PTGS2: variants seen among roughly 807,000 people sequenced by gnomAD.
PTGS2 encodes the protein prostaglandin-endoperoxide synthase 2.
PTGS2 carries 14 observed loss-of-function variants against 63.8 expected under a neutral mutation model. The ratio of observed to expected loss-of-function variants is 0.22; its 90% CI spans 0.14 to 0.34. The LOEUF is 0.34. Ranked by LOEUF, PTGS2 falls within the 10% of genes least tolerant of loss-of-function variation. The pLI is 1.00. For missense variants in PTGS2, 533 were observed against 738.5 expected (o/e 0.72, Z 3.23); for synonymous variants, 271 against 259.5 (o/e 1.04, Z -0.43).
intron 8 of PTGS2, 127 bp downstream of exon 8, chr1:186,675,771 A>T: frequency 2.9e-6 from 3 of 1,045,334 alleles, no homozygotes; most frequent in Non-Finnish European, 4.0e-6. Context: ...TCTTATATCA[A>T]TAAAATAATT....
rs1665704346 is a variant in PTGS2 at position 186,672,399 on chromosome 1, A to G, written c.*1954T>C. ...AACATTCAACCTTAAATATCTCAAT[A>G]TGCCAATCAGATTTCTAAAAATTTA... On this transcript the variant is annotated 3_prime_UTR_variant, in exon 10 of 10. Transcript: ENST00000367468. 1 of 152,288 alleles carries G rather than the reference A, an allele frequency of 6.6e-6. No homozygotes were observed. The highest frequency in any genetic ancestry group is 2.4e-5 in the African/African-American group (1 of 41,448). 9.4% of individuals were successfully genotyped at this position (152,288 alleles called of 1,614,324 possible).
chr1:186,675,268 T>C lies in PTGS2; in HGVS notation c.1386A>G (p.Glu462=), dbSNP rs1335443051. ...TCTTACCTGTAAGTTCTTCAAATGATTCATAGGGCTTCAGCATAAAGCGTT... is the reference window on the plus strand; with the variant it reads ...TCTTACCTGTAAGTTCTTCAAATGACTCATAGGGCTTCAGCATAAAGCGTT... The part of the protein sequence containing the change: ...YRKRFMLKPY[E]SFEELTGEKE... The change falls in exon 9 of 10, where the codon GAA becomes GAG. Residue 462 remains glutamate, a synonymous_variant. Transcript: ENST00000367468. The C allele has an allele frequency of 1.2e-6, 2 of 1,613,140 alleles. No homozygotes were observed. The highest frequency in any genetic ancestry group is 1.7e-6 in the Non-Finnish European group (2 of 1,179,856).
intron 8 of PTGS2, chr1:186,675,617 A>C (rs1665766502): frequency 4.8e-6 from 3 of 629,096 alleles, no homozygotes; most frequent in Non-Finnish European, 7.9e-6. Context: ...CAAAAATAAC[A>C]CTAGTATTCA....
intron 3 of PTGS2, among the ~76,000 whole-genome samples, 167 bp from the exon 4 acceptor site, chr1:186,678,571 G>A (rs1665822573): frequency 6.6e-6 from 1 of 152,144 alleles, no homozygotes; most frequent in East Asian, 1.9e-4. Context: ...ATGGCCACTT[G>A]AAATACATCT....
chr1:186,680,016 C>T (rs1462686530), intron 1 of PTGS2, among the ~76,000 whole-genome samples: 1 of 152,210 alleles, frequency 6.6e-6, no homozygotes, highest in Non-Finnish European at 1.5e-5. Flanking sequence ...GAGAGTGTCT[C>T]AGATCGGTTA....
At position 186,679,043 on chromosome 1, in the gene PTGS2, G is replaced by C. The variant is rs1276665160; in HGVS notation, c.313+15C>G. 1 of 1,605,166 alleles carries C rather than the reference G, an allele frequency of 6.2e-7. No homozygotes were observed. The highest frequency in any genetic ancestry group is 8.5e-7 in the Non-Finnish European group (1 of 1,177,264). On this transcript the variant is annotated intron_variant, in intron 3 of 9. Coordinates refer to ENST00000367468, the MANE Select transcript of PTGS2 (RefSeq NM_000963.4). The stretch of plus-strand genomic sequence containing the variant: ...TTGAGAAGGCTAAAAACCTTAGAAA[G>C]ACACTTGTACTTACATGTCAACACA...
Position 186,680,399 on chromosome 1 carries a change from G to A in PTGS2, c.-109C>T, listed in dbSNP as rs1469810025. 2.7e-6 allele frequency: 2 copies of A among 738,188 alleles called. No individual in the cohort carries two copies. Among genetic ancestry groups the A allele is most frequent in the East Asian group, 2.9e-5 (1 of 34,148 alleles). 45.7% of individuals were successfully genotyped at this position (738,188 alleles called of 1,614,324 possible). On this transcript the variant is annotated 5_prime_UTR_variant, in exon 1 of 10. Coordinates refer to ENST00000367468, the MANE Select transcript of PTGS2 (RefSeq NM_000963.4). ...AGGAGTTCCTGGACGTGCTCCTGAC[G>A]CTCACTGCAAGTCGTATGACAATTG...
At position 186,676,497 on chromosome 1, in the gene PTGS2, A is replaced by G. The variant is rs200101876; in HGVS notation, c.940T>C (p.Leu314=). Reference sequence around the variant, plus strand: ...AGTATTAGCCTGCTTGTCTGGAACAACTGCTCATCACCCCATTCAGGATGC... The same window carrying G: ...AGTATTAGCCTGCTTGTCTGGAACAGCTGCTCATCACCCCATTCAGGATGC... ...QEHPEWGDEQ[L]FQTSRLILIG... Residue 314 remains leucine, a synonymous_variant, in exon 7 of 10, where the codon TTG becomes CTG. Coordinates refer to ENST00000367468, the MANE Select transcript of PTGS2 (RefSeq NM_000963.4). The G allele has an allele frequency of 6.2e-7, 1 of 1,614,138 alleles. No individual in the cohort carries two copies. The highest frequency in any genetic ancestry group is 8.5e-7 in the Non-Finnish European group (1 of 1,180,032).
rs765827639 is a variant in PTGS2 at position 186,676,895 on chromosome 1, C to T, written c.661G>A (p.Gly221Ser). The part of the protein sequence containing the change: ...GHGVDLNHIY[G>S]ETLARQRKLR... Reference sequence around the variant, plus strand: ...TTACGCTGTCTAGCCAGAGTTTCACCGTAAATATGATTTAAGTCCACCTAG... The same window carrying T: ...TTACGCTGTCTAGCCAGAGTTTCACTGTAAATATGATTTAAGTCCACCTAG... Residue 221 changes from glycine (G) to serine (S), a missense_variant, in exon 6 of 10, where the codon GGT becomes AGT. This residue lies in a region of PTGS2 where 118 missense variants were observed against 138.7 expected (regional missense o/e 0.85). Transcript: ENST00000367468. 3 of 1,604,420 alleles carry T rather than the reference C, an allele frequency of 1.9e-6. No homozygotes were observed. Among genetic ancestry groups the T allele is most frequent in the Middle Eastern group, 2.1e-4 (1 of 4,806 alleles).
intron 5 of PTGS2, 68 bp from the exon 6 acceptor site, chr1:186,676,984 A>T: frequency 9.4e-7 from 1 of 1,063,846 alleles, no homozygotes; most frequent in Non-Finnish European, 1.4e-6. Context: ...TGTCTATCAT[A>T]TAATTCATCA....
At position 186,675,851 on chromosome 1, in the gene PTGS2, A is replaced by C. The variant is rs1231664430; in HGVS notation, c.1257+47T>G. 4 of 1,513,166 alleles carry C rather than the reference A, an allele frequency of 2.6e-6. No individual in the cohort carries two copies. In the East Asian group the frequency reaches 6.8e-5, roughly 26 times the overall value. 93.7% of individuals were successfully genotyped at this position (1,513,166 alleles called of 1,614,324 possible). A position where few individuals can be genotyped will look rare whatever the true frequency, so the allele number is the denominator to read the frequency against. ...AATAATTTCCGTGGCAGAAATTCTA[A>C]AGTTACTGACTAGTCTTTTGTTTTG... On this transcript the variant is annotated intron_variant, in intron 8 of 9. Coordinates refer to ENST00000367468, the MANE Select transcript of PTGS2 (RefSeq NM_000963.4).
Position 186,677,665 on chromosome 1 carries a change from T to C in PTGS2, c.623A>G (p.Asn208Ser). ...CTATCTTACCCCATGGCCCAGCCCG[T>C]TGGTGAAAGCTGGCCCTCGCTTATG... ...TDHKRGPAFT[N>S]GLGHGVDLNH... Residue 208 changes from asparagine to serine, a missense_variant, in exon 5 of 10, where the codon AAC becomes AGC. Physicochemically the swap from Asn to Ser is conservative, Grantham distance 46. Transcript: ENST00000367468. 1 of 1,611,292 alleles carries C rather than the reference T, an allele frequency of 6.2e-7. No homozygotes were observed.
Position 186,676,902 on chromosome 1 carries a change from ATGATT to A in PTGS2, c.649_653del (p.Asn217TyrfsTer4). 6.2e-7 allele frequency: 1 copy of A among 1,605,426 alleles called. No individual in the cohort carries two copies. ...GTCTAGCCAGAGTTTCACCGTAAAT[ATGATT>A]TAAGTCCACCTAGAAAATGATGAAA... On this transcript the variant is annotated frameshift_variant, in exon 6 of 10. Coordinates refer to ENST00000367468, the MANE Select transcript of PTGS2 (RefSeq NM_000963.4). LOFTEE classifies it high-confidence loss of function.
rs189679860 is a variant in PTGS2, at chr1:186,674,721, C to T, written c.1447G>A (p.Asp483Asn). ...GGATACAGCTCCACAGCATCGATGT[C>T]ACCATAGAGTGCTTCCAACTCTGCA... ...MSAELEALYG[D>N]IDAVELYPAL... Residue 483 changes from aspartate (D) to asparagine (N), a missense_variant, in exon 10 of 10, where the codon GAC becomes AAC. Asp to Asn is a conservative substitution (Grantham distance 23, BLOSUM62 1). Around this residue, in one of 5 missense-constraint regions of PTGS2, gnomAD observed 219 missense variants for 267.4 expected, o/e 0.82. Coordinates refer to ENST00000367468, the MANE Select transcript of PTGS2 (RefSeq NM_000963.4). 71 of 1,613,974 alleles carry T rather than the reference C, an allele frequency of 4.4e-5. No individual in the cohort carries two copies. Among genetic ancestry groups the T allele is most frequent in the East Asian group, 2.7e-4 (12 of 44,878 alleles).
At position 186,679,211 on chromosome 1, in the gene PTGS2, G is replaced by T; in HGVS notation, c.170-10C>A. 6.2e-7 allele frequency: 1 copy of T among 1,613,206 alleles called. No individual in the cohort carries two copies. On this transcript the variant is annotated splice_polypyrimidine_tract_variant and intron_variant, in intron 2 of 9. Coordinates refer to ENST00000367468, the MANE Select transcript of PTGS2 (RefSeq NM_000963.4). The stretch of plus-strand genomic sequence containing the variant: ...CTTGTCAAAAATTCCGCTGCAAGAA[G>T]ACGAAGAAAGGGAGGGAGAAATTAA...
In PTGS2 at chr1:186,673,230, C is replaced by T. The variant is rs564911033; in HGVS notation, c.*1123G>A. ...GAAGAGGTATTTTATGAGGTCATTG[C>T]TACTTTTGCAATGTGATATGGACTG... On this transcript the variant is annotated 3_prime_UTR_variant, in exon 10 of 10. Transcript: ENST00000367468. 4 of 152,170 alleles carry T rather than the reference C, an allele frequency of 2.6e-5. No individual in the cohort carries two copies. In the South Asian group the frequency reaches 6.2e-4, roughly 24 times the overall value. The allele number at this position is 152,170 out of a possible 1,614,324, so 9.4% of individuals were successfully genotyped here. A position where few individuals can be genotyped will look rare whatever the true frequency, so the allele number is the denominator to read the frequency against.
chr1:186,678,995 A>T (rs888773177), intron 3 of PTGS2, 63 bp downstream of exon 3: 4 of 1,503,732 alleles, frequency 2.7e-6, no homozygotes, highest in Non-Finnish European at 3.6e-6. Context: ...TTAGGCTTAC[A>T]GTATTATAAA....
intron 8 of PTGS2, 138 bp from the exon 9 acceptor site, chr1:186,675,534 C>G (rs1665764866): frequency 2.0e-6 from 2 of 1,003,194 alleles, no homozygotes; most frequent in African/African-American, 3.3e-5. Context: ...AGATGCTTAC[C>G]TACATTTCAA....
chr1:186,676,719 A>AAAAT lies in PTGS2; in HGVS notation c.724-10_724-7dup, dbSNP rs2066822. 12 of 1,599,380 alleles carry AAAAT rather than the reference A, an allele frequency of 7.5e-6. No individual in the cohort carries two copies. Among genetic ancestry groups the AAAAT allele is most frequent in the South Asian group, 2.3e-5 (2 of 88,076 alleles). ...TACATCTCTCCATCAATTATCTAAA[A>AAAAT]AAATAAATAAATAAATAAACATCAG... On this transcript the variant is annotated splice_region_variant and splice_polypyrimidine_tract_variant and intron_variant, in intron 6 of 9. Transcript: ENST00000367468.
Sources: gnomAD v4.1 joint callset for allele counts (sites outside exome capture counted in the v4.1 genomes callset) on GRCh38, gnomAD v4.1.1 for gene constraint, gnomAD v4.1.1 regional missense constraint, MANE v1.5 for transcripts, NCBI Gene and HGNC (gene_info 2026-07-23, HGNC 2026-07-21) for gene names.